Variants in UBTD2 observed in about 807,000 individuals in gnomAD.
UBTD2 encodes ubiquitin domain-containing protein 2.
In UBTD2, 9 loss-of-function variants were observed where a neutral mutation model predicts 19.8. That is an observed-to-expected ratio of 0.46 (90% CI 0.27 to 0.79). UBTD2 has a LOEUF of 0.79. Ranked by LOEUF, UBTD2 falls within the 30% of genes least tolerant of loss-of-function variation. UBTD2 has a pLI of 0.14. For missense variants in UBTD2, 250 were observed against 300.4 expected (o/e 0.83, Z 1.24); for synonymous variants, 98 against 103.9 (o/e 0.94, Z 0.35).
intron 1 of UBTD2, chr5:172,255,260 T>C: frequency 2.2e-6 from 1 of 461,754 alleles, no homozygotes; most frequent in Non-Finnish European, 4.4e-6. Flanking sequence ...ACTGGCTCCA[T>C]CTGTATTCCA....
Position 172,211,993 on chromosome 5 carries a change from A to C in UBTD2, c.542T>G (p.Leu181Trp), listed in dbSNP as rs1225694915. ...TDTVFHMKRR[L>W]HAAEGVEPGS... is the part of the protein sequence containing the mutation. ...TGGTTCCACTCCCTCTGCTGCATGC[A>C]ACCGTCTCTTCATGTGGAATACTGT... The change falls in exon 3 of 3, where the codon TTG (leucine) becomes TGG (tryptophan). Residue 181 changes from leucine to tryptophan, a missense_variant. By Grantham distance (61) the Leu-to-Trp change is moderately conservative (BLOSUM62 -2). Transcript: ENST00000393792. The C allele has an allele frequency of 1.2e-6, 2 of 1,614,078 alleles. No individual in the cohort carries two copies. Among genetic ancestry groups the C allele is most frequent in the Non-Finnish European group, 1.7e-6 (2 of 1,180,028 alleles).
rs373360524 is a variant in UBTD2, at chr5:172,253,611, G to A, written c.71-19253C>T. Among the ~76,000 whole-genome samples, 60 of 151,962 alleles carry A rather than the reference G, an allele frequency of 3.9e-4. No individual in the cohort carries two copies. In the East Asian group the frequency reaches 0.011, roughly 27 times the overall value. ...TGGGATTACAGGCACGCGCCACCAC[G>A]CCCAGCTAATTTTTGTATTTTTAGT... On this transcript the variant is annotated intron_variant, in intron 1 of 2. Transcript: ENST00000393792.
Position 172,212,244 on chromosome 5 carries a change from T to C in UBTD2, c.308-17A>G, listed in dbSNP as rs1771467060. 1 of 1,569,098 alleles carries C rather than the reference T, an allele frequency of 6.4e-7. No homozygotes were observed. The highest frequency in any genetic ancestry group is 8.6e-7 in the Non-Finnish European group (1 of 1,156,282). On this transcript the variant is annotated splice_polypyrimidine_tract_variant and intron_variant, in intron 2 of 2. Transcript: ENST00000393792. ...TAAGTGCACCTTCAGAAAGAGAAGA[T>C]ATGAATAAGAACTTAATCCTTAATG...
intron 1 of UBTD2, chr5:172,242,414 G>C: frequency 1.0e-6 from 1 of 985,354 alleles, no homozygotes; most frequent in Non-Finnish European, 1.2e-6. Context: ...CAAGGCTTAT[G>C]TGTTGTCATT....
At chr5:172,277,742 G>A (rs1236686888) in intron 1 of UBTD2, among the ~76,000 whole-genome samples, 1 of 150,714 alleles carries the variant, frequency 6.6e-6, no homozygotes, top group Non-Finnish European at 1.5e-5. Flanking sequence ...GTACATGAAA[G>A]GACACCATCG....
chr5:172,250,933 CAAAAAAAAA>C (rs56280728), intron 1 of UBTD2, among the ~76,000 whole-genome samples: 6 of 43,948 alleles, frequency 1.4e-4, no homozygotes, highest in East Asian at 6.9e-4. Context: ...GACCCTGTCT[CAAAAAAAAA>C]AAAAAAAAAA....
At chr5:172,271,433 G>GA (rs10683593) in intron 1 of UBTD2, among the ~76,000 whole-genome samples, 70,372 of 124,484 alleles carry the variant, frequency 0.57, 18,046 homozygotes, top group South Asian at 0.69. Context: ...CACCTCAAAA[G>GA]AAAAAAAAAA....
Position 172,241,898 on chromosome 5 carries a change from A to G in UBTD2, c.71-7540T>C, listed in dbSNP as rs1772136613. 1.3e-5 allele frequency among the ~76,000 whole-genome samples: 2 copies of G among 152,186 alleles called. 1 individual carries two copies. The highest frequency in any genetic ancestry group is 2.9e-5 in the Non-Finnish European group (2 of 68,036). On this transcript the variant is annotated intron_variant, in intron 1 of 2. Transcript: ENST00000393792. ...GCTGGGTGTAGTTGTATATACCTGT[A>G]GTCCCAGCTACTTGCGGACTGAGGT... is the stretch of plus-strand genomic sequence containing the variant.
At position 172,210,050 on chromosome 5, in the gene UBTD2, A is replaced by C. The variant is rs1030673565; in HGVS notation, c.*1780T>G. On this transcript the variant is annotated 3_prime_UTR_variant, in exon 3 of 3. Transcript: ENST00000393792. ...AGGAGCAATATACTGATTTACCCTA[A>C]TATCTCCACCTCTAAACATAAAAAA... The C allele has an allele frequency of 6.6e-6, 1 of 152,200 alleles. No individual in the cohort carries two copies. Among genetic ancestry groups the C allele is most frequent in the Non-Finnish European group, 1.5e-5 (1 of 68,046 alleles). The allele number at this position is 152,200 out of a possible 1,614,324, so 9.4% of individuals were successfully genotyped here.
intron 1 of UBTD2, among the ~76,000 whole-genome samples, chr5:172,259,792 G>A (rs1178436540): frequency 6.6e-6 from 1 of 152,066 alleles, no homozygotes; most frequent in Non-Finnish European, 1.5e-5. Flanking sequence ...GATGGCTCAC[G>A]CCTGTAATCT....
chr5:172,283,488 A>C lies in UBTD2; in HGVS notation c.70+108T>G. On this transcript the variant is annotated intron_variant, in intron 1 of 2. Transcript: ENST00000393792. The surrounding 1 kb of genome is among the most constrained non-coding windows in gnomAD (Gnocchi z 4.3). ...CGCGGGGAATGACGTGGAAGAGGGG[A>C]TGACAAAGGGGCGCGGGGGCCCGGC... 1 of 845,814 alleles carries C rather than the reference A, an allele frequency of 1.2e-6. No individual in the cohort carries two copies. Among genetic ancestry groups the C allele is most frequent in the Non-Finnish European group, 1.6e-6 (1 of 640,714 alleles). The allele number at this position is 845,814 out of a possible 1,614,324, so 52.4% of individuals were successfully genotyped here.
At chr5:172,268,485 A>G (rs1755421211) in intron 1 of UBTD2, among the ~76,000 whole-genome samples, 1 of 152,212 alleles carries the variant, frequency 6.6e-6, no homozygotes, top group Non-Finnish European at 1.5e-5. Flanking sequence ...TACATTCTAC[A>G]AGACTCTTCA....
chr5:172,260,419 GT>G (rs999235415), intron 1 of UBTD2, among the ~76,000 whole-genome samples: 32 of 152,122 alleles, frequency 2.1e-4, no homozygotes, highest in African/African-American at 7.7e-4. Flanking sequence ...TATAAGTTCT[GT>G]TCCTATTGAT....
chr5:172,227,766 T>C (rs1169189516), intron 2 of UBTD2, among the ~76,000 whole-genome samples: 1 of 143,258 alleles, frequency 7.0e-6, no homozygotes, highest in African/African-American at 2.6e-5. Flanking sequence ...GTACAACCTA[T>C]GCCTCCTGGG....
At chr5:172,234,535 A>G (rs142892088) in intron 1 of UBTD2, among the ~76,000 whole-genome samples, 177 bp from the exon 2 acceptor site, 2,693 of 152,364 alleles carry the variant, frequency 0.018, 38 homozygotes, top group Non-Finnish European at 0.027. Context: ...ACAAAAGTGA[A>G]TAGAGACATT....
intron 1 of UBTD2, among the ~76,000 whole-genome samples, chr5:172,259,833 C>T (rs867094460): frequency 6.6e-5 from 10 of 152,034 alleles, no homozygotes; most frequent in African/African-American, 1.4e-4. Context: ...GTGGGTGGAT[C>T]GCTTGAGGTC....
At chr5:172,270,708 C>T (rs2113121654) in intron 1 of UBTD2, among the ~76,000 whole-genome samples, 1 of 152,024 alleles carries the variant, frequency 6.6e-6, no homozygotes, top group South Asian at 2.1e-4. Context: ...ACTGAGTATC[C>T]CTAATCTGAA....
At chr5:172,240,662 C>A (rs1159308294) in intron 1 of UBTD2, among the ~76,000 whole-genome samples, 1 of 152,026 alleles carries the variant, frequency 6.6e-6, no homozygotes, top group Non-Finnish European at 1.5e-5. Flanking sequence ...GCTCTCAGAT[C>A]CTACAAAACT....
At position 172,283,124 on chromosome 5, in the gene UBTD2, TC is replaced by T. The variant is rs1434732708; in HGVS notation, c.70+471del. ...CTGGAACCAACCGGGGCAGCTGTCA[TC>T]TGAAACTCAGGAAAGCTGAGACCAG... On this transcript the variant is annotated intron_variant, in intron 1 of 2. Coordinates refer to ENST00000393792, the MANE Select transcript of UBTD2 (RefSeq NM_152277.3). The surrounding 1 kb of genome is among the most constrained non-coding windows in gnomAD (Gnocchi z 4.3). Among the ~76,000 whole-genome samples, 2 of 152,064 alleles carry T rather than the reference TC, an allele frequency of 1.3e-5. No homozygotes were observed. Among genetic ancestry groups the T allele is most frequent in the African/African-American group, 4.8e-5 (2 of 41,400 alleles).
Sources: allele counts gnomAD v4.1 joint callset (sites outside exome capture counted in the v4.1 genomes callset), GRCh38; gene constraint gnomAD v4.1.1; non-coding constraint Gnocchi (gnomAD v3.1); transcripts MANE v1.5; gene names NCBI Gene and HGNC (gene_info 2026-07-23, HGNC 2026-07-21).